The following ZCCHC8 variants were observed in gnomAD, a reference collection of about 807,000 sequenced individuals.
The protein encoded by ZCCHC8 is zinc finger CCHC-type containing 8, also known as zinc finger CCHC domain-containing protein 8.
In ZCCHC8, 27 loss-of-function variants were observed where a neutral mutation model predicts 70.6. The ratio of observed to expected loss-of-function variants is 0.38; its 90% confidence interval spans 0.28 to 0.53. ZCCHC8 has a LOEUF of 0.53. Ranked by LOEUF, ZCCHC8 falls within the 20% of genes least tolerant of loss-of-function variation. ZCCHC8 has a pLI of 0.81. For synonymous variants in ZCCHC8, 293 were observed against 317.4 expected (o/e 0.92, Z 0.82); for missense variants, 737 against 876.9 (o/e 0.84, Z 2.01).
chr12:122,481,862 T>C, intron 9 of ZCCHC8, 83 bp downstream of exon 9: 1 of 1,510,832 alleles, frequency 6.6e-7, no homozygotes, highest in Non-Finnish European at 8.9e-7. Context: ...ACTTATATCC[T>C]GATAATTAGC....
At chr12:122,488,147 T>G (rs1421117723) in intron 5 of ZCCHC8, among the ~76,000 whole-genome samples, 1 of 152,036 alleles carries the variant, frequency 6.6e-6, no homozygotes, top group East Asian at 1.9e-4. Flanking sequence ...TTTCCGTGAC[T>G]CAGTCTCCCG....
At chr12:122,493,031 C>A (rs1019988315) in intron 2 of ZCCHC8, among the ~76,000 whole-genome samples, 1 of 152,020 alleles carries the variant, frequency 6.6e-6, no homozygotes, top group African/African-American at 2.4e-5. Context: ...CCACATCCAG[C>A]AAATTTTTGT....
Position 122,500,783 on chromosome 12 carries a change from C to CT in ZCCHC8, c.57dup (p.Glu20ArgfsTer52). ...TGAACGGGCTTCGGAATCGACTCCTCTGGGTGGTCGAACGGCTCGAAGAGC... is the reference window on the plus strand; with the variant it reads ...TGAACGGGCTTCGGAATCGACTCCTCTTGGGTGGTCGAACGGCTCGAAGAGC... On this transcript the variant is annotated frameshift_variant, in exon 1 of 14. Transcript: ENST00000633063. LOFTEE classifies it high-confidence loss of function. The surrounding 1 kb of genome is among the most constrained non-coding windows in gnomAD (Gnocchi z 4.8). 1 of 1,590,446 alleles carries CT rather than the reference C, an allele frequency of 6.3e-7. No individual in the cohort carries two copies. Among genetic ancestry groups the CT allele is most frequent in the Non-Finnish European group, 8.6e-7 (1 of 1,168,830 alleles).
intron 4 of ZCCHC8, among the ~76,000 whole-genome samples, chr12:122,489,827 G>A (rs543043560): frequency 6.6e-6 from 1 of 152,042 alleles, no homozygotes; most frequent in Non-Finnish European, 1.5e-5. Context: ...ATTGTTAAAT[G>A]TATTTTGTTT....
rs779538993 is a variant in ZCCHC8 at position 122,473,869 on chromosome 12, T to C, written c.1752A>G (p.Pro584=). 1.2e-6 allele frequency: 2 copies of C among 1,614,000 alleles called. No individual in the cohort carries two copies. The highest frequency in any genetic ancestry group is 1.7e-6 in the Non-Finnish European group (2 of 1,179,902). The change falls in exon 14 of 14, where the codon CCA becomes CCG. Residue 584 remains proline, a synonymous_variant. Coordinates refer to ENST00000633063, the MANE Select transcript of ZCCHC8 (RefSeq NM_017612.5). ...CTTCTGATTTCTTTGTAAAAATCTCTGGTACCTCAGGCTCATCCAGCGTCT... is the reference window on the plus strand; with the variant it reads ...CTTCTGATTTCTTTGTAAAAATCTCCGGTACCTCAGGCTCATCCAGCGTCT... ...EKQTLDEPEV[P]EIFTKKSEAG...
chr12:122,498,772 A>T, intron 2 of ZCCHC8, 55 bp downstream of exon 2: 2 of 1,509,834 alleles, frequency 1.3e-6, no homozygotes, highest in South Asian at 2.3e-5. Flanking sequence ...ATTAAATATT[A>T]ATATCAGGAT....
intron 2 of ZCCHC8, among the ~76,000 whole-genome samples, chr12:122,498,406 G>A (rs1472666303): frequency 6.6e-6 from 1 of 152,072 alleles, no homozygotes; most frequent in Non-Finnish European, 1.5e-5. Flanking sequence ...TGGGATTACA[G>A]GCGTGAGCCA....
rs371128314 is a variant in ZCCHC8 at position 122,477,860 on chromosome 12, G to T, written c.1326C>A (p.Ala442=). ...ACCTACCTGAATCGAGCTCCATGTC[G>T]GCGGGAGATCCCGCTGAGTTGCTTT... ...KNESNSAGSP[A]DMELDSDMEV... The change falls in exon 13 of 14, where the codon GCC becomes GCA. Residue 442 remains alanine, a synonymous_variant. Coordinates refer to ENST00000633063, the MANE Select transcript of ZCCHC8 (RefSeq NM_017612.5). 2 of 1,612,498 alleles carry T rather than the reference G, an allele frequency of 1.2e-6. No homozygotes were observed. The highest frequency in any genetic ancestry group is 1.7e-6 in the Non-Finnish European group (2 of 1,179,312).
intron 10 of ZCCHC8, chr12:122,481,088 G>T (rs1451273188): frequency 6.6e-6 from 1 of 152,658 alleles, no homozygotes; most frequent in Non-Finnish European, 1.5e-5. Flanking sequence ...CATATTCAAT[G>T]ATACAAAAAG....
chr12:122,487,671 GCCAC>G (rs1455021347), intron 5 of ZCCHC8, among the ~76,000 whole-genome samples: 1 of 152,018 alleles, frequency 6.6e-6, no homozygotes. Flanking sequence ...TCTTAATTCT[GCCAC>G]TTGGCACTTT....
rs201799696 is a variant in ZCCHC8 at position 122,478,207 on chromosome 12, G to T, written c.1226C>A (p.Ala409Glu). The change falls in exon 12 of 14, where the codon GCG becomes GAG. Residue 409 changes from alanine (A) to glutamate (E), a missense_variant and splice_region_variant. Ala to Glu is a moderately radical substitution (Grantham distance 107). Coordinates refer to ENST00000633063, the MANE Select transcript of ZCCHC8 (RefSeq NM_017612.5). ...FANYLTSNFQ[A>E]PGVKSGNKRS... ...AGCACACCCTTAAAATCTATTTACC[G>T]CTTGGAAGTTAGAAGTAAGGTAATT... 2.4e-5 allele frequency: 38 copies of T among 1,589,246 alleles called. No homozygotes were observed. The highest frequency in any genetic ancestry group is 3.1e-5 in the Non-Finnish European group (36 of 1,166,216).
In ZCCHC8 at chr12:122,498,934, C is replaced by T; in HGVS notation, c.200-65G>A. ...TGCAAATCATAAAATTCAACTACTA[C>T]TTCTCTCACTTTTGGTGTCAGAATA... On this transcript the variant is annotated intron_variant, in intron 1 of 13. Coordinates refer to ENST00000633063, the MANE Select transcript of ZCCHC8 (RefSeq NM_017612.5). 5 of 1,394,364 alleles carry T rather than the reference C, an allele frequency of 3.6e-6. No homozygotes were observed. The South Asian group carries it at 6.0e-5, about 17-fold the overall frequency. 86.4% of individuals were successfully genotyped at this position (1,394,364 alleles called of 1,614,324 possible). A position where few individuals can be genotyped will look rare whatever the true frequency, so the allele number is the denominator to read the frequency against.
chr12:122,492,774 G>T lies in ZCCHC8; in HGVS notation c.258C>A (p.Asn86Lys). The T allele has an allele frequency of 6.5e-7, 1 of 1,544,428 alleles. No individual in the cohort carries two copies. Among genetic ancestry groups the T allele is most frequent in the Non-Finnish European group, 8.8e-7 (1 of 1,138,536 alleles). Residue 86 changes from asparagine to lysine, a missense_variant, in exon 3 of 14, where the codon AAC (asparagine) becomes AAA (lysine). Asn to Lys is a moderately conservative substitution (Grantham distance 94, BLOSUM62 0). Coordinates refer to ENST00000633063, the MANE Select transcript of ZCCHC8 (RefSeq NM_017612.5). Reference protein sequence around the residue: ...ILTRPSGILVNDTKLDGPILQ... With the variant: ...ILTRPSGILVKDTKLDGPILQ... The stretch of plus-strand genomic sequence containing the variant: ...ATATAGGTCCATCTAACTTAGTATC[G>T]TTCACCAATATTCCACTAAAACAGA...
intron 13 of ZCCHC8, among the ~76,000 whole-genome samples, chr12:122,475,100 T>C (rs935234699): frequency 6.6e-6 from 1 of 152,084 alleles, no homozygotes; most frequent in Non-Finnish European, 1.5e-5. Flanking sequence ...CAGGCTGGAG[T>C]GCAGTGGCAT....
At chr12:122,474,675 G>A (rs1394291964) in intron 13 of ZCCHC8, among the ~76,000 whole-genome samples, 1 of 151,952 alleles carries the variant, frequency 6.6e-6, no homozygotes, top group Non-Finnish European at 1.5e-5. Flanking sequence ...GTGGGTGGAA[G>A]GCTAATGGGG....
chr12:122,490,389 G>T, intron 4 of ZCCHC8, 73 bp downstream of exon 4: 1 of 1,185,378 alleles, frequency 8.4e-7, no homozygotes, highest in Non-Finnish European at 1.2e-6. Flanking sequence ...GATTCAAGAG[G>T]ATCCTTGTGG....
At chr12:122,489,977 T>C (rs1256275510) in intron 4 of ZCCHC8, among the ~76,000 whole-genome samples, 2 of 148,210 alleles carry the variant, frequency 1.3e-5, no homozygotes, top group Non-Finnish European at 3.0e-5. Context: ...CCTTAATTTT[T>C]AATAAAAAAA....
chr12:122,484,649 TC>T (rs368813483), intron 5 of ZCCHC8, among the ~76,000 whole-genome samples: 132 of 152,068 alleles, frequency 8.7e-4, no homozygotes, highest in African/African-American at 3.0e-3. Context: ...CGCCTCAGCC[TC>T]CCAAAGTGCT....
intron 2 of ZCCHC8, among the ~76,000 whole-genome samples, chr12:122,497,621 T>C (rs1309069620): frequency 1.3e-5 from 2 of 152,182 alleles, no homozygotes; most frequent in Non-Finnish European, 2.9e-5. Flanking sequence ...CTTGAAAATA[T>C]AATTTCTCAT....
Sources: allele counts gnomAD v4.1 joint callset (sites outside exome capture counted in the v4.1 genomes callset), GRCh38; gene constraint gnomAD v4.1.1; non-coding constraint Gnocchi (gnomAD v3.1); transcripts MANE v1.5; gene names NCBI Gene and HGNC (gene_info 2026-07-23, HGNC 2026-07-21).